ZSWIM3: variants seen among roughly 807,000 people sequenced by gnomAD.
ZSWIM3 encodes the protein zinc finger SWIM-type containing 3, also known as zinc finger SWIM domain-containing protein 3.
Under a neutral mutation model 47.5 loss-of-function variants are expected in ZSWIM3, and 27 were observed. The ratio of observed to expected loss-of-function variants is 0.57; its 90% CI spans 0.42 to 0.78. The LOEUF is 0.78. Among genes scored for constraint, ZSWIM3 ranks in the 30% least tolerant of loss-of-function variants. The probability of loss-of-function intolerance (pLI) is 0.00; values close to 1 mark genes in which losing one functional copy is unlikely to be tolerated. For synonymous variants in ZSWIM3, 333 were observed against 333.9 expected, an observed-to-expected ratio of 1.00 and a Z score of 0.03; for missense variants, 689 against 861.3, an observed-to-expected ratio of 0.80 and a Z score of 2.50.
chr20:45,863,810 C>T (rs1050241744), intron 1 of ZSWIM3, among the ~76,000 whole-genome samples: 5 of 152,064 alleles, frequency 3.3e-5, no homozygotes, highest in Non-Finnish European at 7.4e-5. Flanking sequence ...CCAGCCAGGC[C>T]AACATGGTGA....
At chr20:45,861,740 A>G (rs1200948982) in intron 1 of ZSWIM3, among the ~76,000 whole-genome samples, 1 of 151,666 alleles carries the variant, frequency 6.6e-6, no homozygotes, top group Non-Finnish European at 1.5e-5. Flanking sequence ...ATGCCAGGCT[A>G]ATTTTTTTTT....
At chr20:45,868,274 TGA>T (rs1248411267) in intron 1 of ZSWIM3, among the ~76,000 whole-genome samples, 9 of 152,128 alleles carry the variant, frequency 5.9e-5, no homozygotes, top group Non-Finnish European at 7.3e-5. Context: ...ACAAAGATGA[TGA>T]GATGGTAAAA....
chr20:45,862,209 G>A (rs1985725724), intron 1 of ZSWIM3, among the ~76,000 whole-genome samples: 1 of 149,434 alleles, frequency 6.7e-6, no homozygotes, highest in Admixed American at 6.7e-5. Context: ...GTGCAGTGGC[G>A]CGATCTTGGC....
At chr20:45,864,204 G>A (rs1985777769) in intron 1 of ZSWIM3, among the ~76,000 whole-genome samples, 1 of 152,184 alleles carries the variant, frequency 6.6e-6, no homozygotes, top group Non-Finnish European at 1.5e-5. Context: ...GAAATTGTAG[G>A]CTCCACCCCT....
intron 1 of ZSWIM3, among the ~76,000 whole-genome samples, chr20:45,862,295 G>A (rs919699229): frequency 2.0e-5 from 3 of 150,368 alleles, no homozygotes; most frequent in Non-Finnish European, 3.0e-5. Context: ...TTACAGGCAC[G>A]CACCACCCCA....
At chr20:45,867,649 A>G (rs1160326153) in intron 1 of ZSWIM3, among the ~76,000 whole-genome samples, 1 of 152,196 alleles carries the variant, frequency 6.6e-6, no homozygotes, top group East Asian at 1.9e-4. Flanking sequence ...TGTGGCCTCC[A>G]CTTTCATTTT....
rs772644832 is a variant in ZSWIM3, at chr20:45,877,937, G to T, written c.1379G>T (p.Cys460Phe). 31 of 1,614,176 alleles carry T rather than the reference G, an allele frequency of 1.9e-5. No homozygotes were observed. The East Asian group carries it at 6.7e-4, about 35-fold the overall frequency. The change falls in exon 2 of 2, where the codon TGT (cysteine) becomes TTT (phenylalanine). Residue 460 changes from cysteine (C) to phenylalanine (F), a missense_variant. By Grantham distance (205) the Cys-to-Phe change is radical. Transcript: ENST00000255152. ...AAGTCCAAGAAGGCTTTTGGAATCT[G>T]TGGAGAGAGCCTTACCAGCCTCCCT... ...PLKSKKAFGI[C>F]GESLTSLPAE...
chr20:45,876,712 A>G lies in ZSWIM3; in HGVS notation c.156-2A>G, dbSNP rs776088492. 1 of 1,608,122 alleles carries G rather than the reference A, an allele frequency of 6.2e-7. No individual in the cohort carries two copies. The highest frequency in any genetic ancestry group is 1.3e-5 in the African/African-American group (1 of 74,912). ...TCTCATTGTTACCTCTACCTTCCCT[A>G]GGTATGTGCAGGTGAAATTTGTCTG... On this transcript the variant is annotated splice_acceptor_variant, in intron 1 of 1. Transcript: ENST00000255152. LOFTEE classifies it high-confidence loss of function.
intron 1 of ZSWIM3, chr20:45,872,892 C>G: frequency 8.4e-7 from 1 of 1,195,288 alleles, no homozygotes; most frequent in Non-Finnish European, 1.1e-6. Flanking sequence ...CCTGTTTTCC[C>G]AAGCTTGCCC....
Position 45,860,025 on chromosome 20 carries a change from C to G in ZSWIM3, c.155+2045C>G, listed in dbSNP as rs191629547. 2.5e-4 allele frequency among the ~76,000 whole-genome samples: 38 copies of G among 152,184 alleles called. 1 individual carries two copies. Among genetic ancestry groups the G allele is most frequent in the Admixed American group, 6.5e-4 (10 of 15,272 alleles). On this transcript the variant is annotated intron_variant, in intron 1 of 1. Transcript: ENST00000255152. Reference sequence around the variant, plus strand: ...AGTGAAAGGGAGGCTTGAGCTGGGCCCCCAAAGATGGAGAGCTGTCAGAAG... The same window carrying G: ...AGTGAAAGGGAGGCTTGAGCTGGGCGCCCAAAGATGGAGAGCTGTCAGAAG...
In ZSWIM3 at chr20:45,875,708, G is replaced by A. The variant is rs1047248459; in HGVS notation, c.156-1006G>A. Among the ~76,000 whole-genome samples the A allele has an allele frequency of 4.1e-5, 6 of 147,190 alleles. No homozygotes were observed. The South Asian group carries it at 8.7e-4, about 21-fold the overall frequency. On this transcript the variant is annotated intron_variant, in intron 1 of 1. Transcript: ENST00000255152. Reference sequence around the variant, plus strand: ...AACAGAGACAGGGTTTCACTATGTTGGCCAGGCTAGTCTCAAACTCCTGAC... The same window carrying A: ...AACAGAGACAGGGTTTCACTATGTTAGCCAGGCTAGTCTCAAACTCCTGAC...
At chr20:45,865,992 C>CAA (rs377544841) in intron 1 of ZSWIM3, among the ~76,000 whole-genome samples, 5,851 of 98,426 alleles carry the variant, frequency 0.059, 210 homozygotes, top group South Asian at 0.12. Context: ...GACTCTGTCT[C>CAA]AAAAAAAAAA....
intron 1 of ZSWIM3, among the ~76,000 whole-genome samples, chr20:45,874,270 G>T (rs1424458094): frequency 6.6e-6 from 1 of 152,212 alleles, no homozygotes; most frequent in African/African-American, 2.4e-5. Context: ...TCAGCACTTT[G>T]GGAGGCTGAC....
intron 1 of ZSWIM3, 85 bp from the exon 2 acceptor site, chr20:45,876,629 G>C (rs761591932): frequency 9.9e-6 from 15 of 1,509,778 alleles, no homozygotes; most frequent in Non-Finnish European, 1.8e-6. Context: ...ATGAGCCACT[G>C]TACCCAGCCC....
At chr20:45,870,819 G>A (rs925080443) in intron 1 of ZSWIM3, among the ~76,000 whole-genome samples, 3 of 151,746 alleles carry the variant, frequency 2.0e-5, no homozygotes, top group African/African-American at 7.3e-5. Flanking sequence ...TCAGCCACCC[G>A]AGTAGCTGAG....
chr20:45,861,087 A>C (rs1281645701), intron 1 of ZSWIM3, among the ~76,000 whole-genome samples: 1 of 152,204 alleles, frequency 6.6e-6, no homozygotes, highest in African/African-American at 2.4e-5. Flanking sequence ...AATCCTGGGC[A>C]ACAAAATGAG....
intron 1 of ZSWIM3, among the ~76,000 whole-genome samples, chr20:45,859,811 A>G (rs1053082543): frequency 1.3e-5 from 2 of 149,404 alleles, no homozygotes; most frequent in East Asian, 3.9e-4. Context: ...AAAAAAAAAA[A>G]AAAAACCACA....
chr20:45,859,269 G>A (rs1225804686), intron 1 of ZSWIM3, among the ~76,000 whole-genome samples: 1 of 152,106 alleles, frequency 6.6e-6, no homozygotes, highest in Non-Finnish European at 1.5e-5. Flanking sequence ...CAATTAGACA[G>A]CCAGGCTATA....
At chr20:45,862,634 G>A (rs772167738) in intron 1 of ZSWIM3, among the ~76,000 whole-genome samples, 1 of 152,118 alleles carries the variant, frequency 6.6e-6, no homozygotes, top group African/African-American at 2.4e-5. Context: ...TGAGACTACA[G>A]GCATGCACCA....
Sources: allele counts gnomAD v4.1 joint callset (sites outside exome capture counted in the v4.1 genomes callset), GRCh38; gene constraint gnomAD v4.1.1; transcripts MANE v1.5; gene names NCBI Gene and HGNC (gene_info 2026-07-23, HGNC 2026-07-21).